THEM6: variants seen among roughly 807,000 people sequenced by gnomAD.
The protein encoded by THEM6 is protein THEM6.
Under a neutral mutation model 13.7 loss-of-function variants are expected in THEM6, and 10 were observed. The observed-to-expected ratio is 0.73, with a 90% CI of 0.45 to 1.24. The LOEUF is 1.24. THEM6 is among the 50% of genes most tolerant of loss of function. THEM6 has a pLI of 0.00. For synonymous variants in THEM6, 161 were observed against 156.0 expected, an observed-to-expected ratio of 1.03 and a Z score of -0.24; for missense variants, 317 against 312.6, an observed-to-expected ratio of 1.01 and a Z score of -0.11.
intron 1 of THEM6, among the ~76,000 whole-genome samples, chr8:142,731,201 A>C (rs1197394106): frequency 6.6e-6 from 1 of 152,220 alleles, no homozygotes; most frequent in Non-Finnish European, 1.5e-5. Flanking sequence ...TCCAGTTCAC[A>C]GAAAAACTGC....
At position 142,727,885 on chromosome 8, in the gene THEM6, G is replaced by T. The variant is rs373201338; in HGVS notation, c.513+26G>T. 9.7e-5 allele frequency: 135 copies of T among 1,386,490 alleles called. No individual in the cohort carries two copies. In the African/African-American group the frequency reaches 1.9e-3, roughly 19 times the overall value. The allele number at this position is 1,386,490 out of a possible 1,614,324, so 85.9% of individuals were successfully genotyped here. On this transcript the variant is annotated intron_variant, in intron 1 of 1. Coordinates refer to ENST00000336138, the MANE Select transcript of THEM6 (RefSeq NM_016647.3). ...GTGAGCGGCCCCCGCCCCTGGCCCC[G>T]GAGCACGGCCTTTGTGGGACCTCCG...
rs1261931485 is a variant in THEM6, at chr8:142,732,187, T to C, written c.514-3139T>C. ...ATATATATATATATATATATATATATATATATATATATATATATATTTTAA... is the reference window on the plus strand; with the variant it reads ...ATATATATATATATATATATATATACATATATATATATATATATATTTTAA... On this transcript the variant is annotated intron_variant, in intron 1 of 1. Transcript: ENST00000336138. 3.0e-5 allele frequency among the ~76,000 whole-genome samples: 3 copies of C among 100,978 alleles called. 1 individual carries two copies. The highest frequency in any genetic ancestry group is 1.2e-4 in the African/African-American group (3 of 25,836). 66.2% of individuals were successfully genotyped at this position (100,978 alleles called of 152,430 possible). A position where few individuals can be genotyped will look rare whatever the true frequency, so the allele number is the denominator to read the frequency against.
intron 1 of THEM6, among the ~76,000 whole-genome samples, chr8:142,732,194 A>ATATATATATATC (rs1815662865): frequency 1.0e-5 from 1 of 95,996 alleles, no homozygotes; most frequent in African/African-American, 4.0e-5. Flanking sequence ...ATATATATAT[A>ATATATATATATC]TATATATATA....
Position 142,735,136 on chromosome 8 carries a change from A to G in THEM6, c.514-190A>G, listed in dbSNP as rs922868226. 1.9e-5 allele frequency: 11 copies of G among 586,552 alleles called. No homozygotes were observed. The African/African-American group carries it at 2.0e-4, about 11-fold the overall frequency. 36.3% of individuals were successfully genotyped at this position (586,552 alleles called of 1,614,324 possible). A position where few individuals can be genotyped will look rare whatever the true frequency, so the allele number is the denominator to read the frequency against. On this transcript the variant is annotated intron_variant, in intron 1 of 1. Transcript: ENST00000336138. ...CCCTAGGGGAGACGGGCCAGGCACA[A>G]GCGGGGCTGTGTCAAGGTGGGTATG...
chr8:142,733,967 T>C (rs587692386), intron 1 of THEM6, among the ~76,000 whole-genome samples: 1 of 152,358 alleles, frequency 6.6e-6, no homozygotes, highest in South Asian at 2.1e-4. Flanking sequence ...TGGGTTAAGA[T>C]ACTGGTTGTG....
chr8:142,734,290 A>C (rs1346173113), intron 1 of THEM6, among the ~76,000 whole-genome samples: 2 of 152,148 alleles, frequency 1.3e-5, no homozygotes, highest in African/African-American at 4.8e-5. Context: ...TATGTCTTTC[A>C]TGCATCTAGA....
Position 142,727,711 on chromosome 8 carries a change from GCCT to G in THEM6, c.366_368del (p.Leu124del). 7.0e-7 allele frequency: 1 copy of G among 1,433,114 alleles called. No individual in the cohort carries two copies. Among genetic ancestry groups the G allele is most frequent in the Admixed American group, 2.9e-5 (1 of 34,116 alleles). The allele number at this position is 1,433,114 out of a possible 1,614,324, so 88.8% of individuals were successfully genotyped here. A position where few individuals can be genotyped will look rare whatever the true frequency, so the allele number is the denominator to read the frequency against. On this transcript the variant is annotated inframe_deletion, in exon 1 of 2. Coordinates refer to ENST00000336138, the MANE Select transcript of THEM6 (RefSeq NM_016647.3). Reference sequence around the variant, plus strand: ...CTGGAGCCCTTCGAGGTGCGCACCCGCCTGCTGGGCTGGGACGACCGCGCGTTC... The same window carrying G: ...CTGGAGCCCTTCGAGGTGCGCACCCGGCTGGGCTGGGACGACCGCGCGTTC...
Position 142,727,868 on chromosome 8 carries a change from C to T in THEM6, c.513+9C>T, listed in dbSNP as rs2572911. Reference sequence around the variant, plus strand: ...ACCTGTGCCAGCGCAGGGTGAGCGGCCCCCGCCCCTGGCCCCGGAGCACGG... The same window carrying T: ...ACCTGTGCCAGCGCAGGGTGAGCGGTCCCCGCCCCTGGCCCCGGAGCACGG... On this transcript the variant is annotated intron_variant, in intron 1 of 1. Coordinates refer to ENST00000336138, the MANE Select transcript of THEM6 (RefSeq NM_016647.3). The T allele has an allele frequency of 5.5e-5, 77 of 1,392,264 alleles. No homozygotes were observed. The African/African-American group carries it at 1.0e-3, about 18-fold the overall frequency. 86.2% of individuals were successfully genotyped at this position (1,392,264 alleles called of 1,614,324 possible). A position where few individuals can be genotyped will look rare whatever the true frequency, so the allele number is the denominator to read the frequency against.
chr8:142,734,259 C>G (rs1193260184), intron 1 of THEM6, among the ~76,000 whole-genome samples: 1 of 129,404 alleles, frequency 7.7e-6, no homozygotes, highest in African/African-American at 3.0e-5. Flanking sequence ...AGATCTCTCT[C>G]TGTCCCCAGG....
intron 1 of THEM6, 60 bp from the exon 2 acceptor site, chr8:142,735,266 A>G: frequency 7.9e-7 from 1 of 1,264,970 alleles, no homozygotes; most frequent in Non-Finnish European, 1.1e-6. Flanking sequence ...CAGTGTGGGC[A>G]GCGGCCCAGA....
rs146074143 is a variant in THEM6, at chr8:142,733,632, T to C, written c.514-1694T>C. On this transcript the variant is annotated intron_variant, in intron 1 of 1. Transcript: ENST00000336138. The stretch of plus-strand genomic sequence containing the variant: ...TGGGGAAACTGAGGCTCAGAGGAGC[T>C]ATGGCACTGCACAAAGCTACACGGC... Among the ~76,000 whole-genome samples, 701 of 152,096 alleles carry C rather than the reference T, an allele frequency of 4.6e-3. 7 individuals carry two copies. The highest frequency in any genetic ancestry group is 0.016 in the African/African-American group (647 of 41,474).
intron 1 of THEM6, among the ~76,000 whole-genome samples, chr8:142,732,378 C>G (rs587728937): frequency 2.0e-3 from 306 of 150,910 alleles, no homozygotes; most frequent in Non-Finnish European, 4.0e-3. Context: ...CTCTGGTCGC[C>G]CCCCCAAGGG....
intron 1 of THEM6, among the ~76,000 whole-genome samples, chr8:142,733,545 C>G (rs111383328): frequency 0.018 from 2,689 of 152,284 alleles, 75 homozygotes; most frequent in African/African-American, 0.062. Flanking sequence ...TTTCCCAGCC[C>G]TCACTCAAAA....
intron 1 of THEM6, among the ~76,000 whole-genome samples, chr8:142,731,767 G>A (rs587646118): frequency 2.3e-4 from 35 of 152,282 alleles, no homozygotes; most frequent in South Asian, 1.0e-3. Context: ...ATGCACTGCC[G>A]TCAGTTTCTC....
In THEM6 at chr8:142,727,819, C is replaced by G; in HGVS notation, c.473C>G (p.Thr158Ser). 1 of 1,462,938 alleles carries G rather than the reference C, an allele frequency of 6.8e-7. No individual in the cohort carries two copies. Among genetic ancestry groups the G allele is most frequent in the African/African-American group, 1.5e-5 (1 of 67,908 alleles). 90.6% of individuals were successfully genotyped at this position (1,462,938 alleles called of 1,614,324 possible). The part of the protein sequence containing the change: ...LLRFRQHLLG[T>S]SPERVVQHLC... ...CGCTTCCGGCAGCACCTGCTGGGCACCTCACCCGAGCGCGTCGTGCAGCAC... is the reference window on the plus strand; with the variant it reads ...CGCTTCCGGCAGCACCTGCTGGGCAGCTCACCCGAGCGCGTCGTGCAGCAC... The change falls in exon 1 of 2, where the codon ACC becomes AGC. Residue 158 changes from threonine (T) to serine (S), a missense_variant. By Grantham distance (58) the Thr-to-Ser change is moderately conservative (BLOSUM62 1). Transcript: ENST00000336138.
rs782575993 is a variant in THEM6 at position 142,728,942 on chromosome 8, T to TC, written c.513+1083_513+1084insC. 6.2e-3 allele frequency among the ~76,000 whole-genome samples: 879 copies of TC among 142,368 alleles called. 6 individuals carry two copies. The highest frequency in any genetic ancestry group is 9.7e-3 in the Non-Finnish European group (642 of 66,126). The allele number at this position is 142,368 out of a possible 152,430, so 93.4% of individuals were successfully genotyped here. A position where few individuals can be genotyped will look rare whatever the true frequency, so the allele number is the denominator to read the frequency against. On this transcript the variant is annotated intron_variant, in intron 1 of 1. Transcript: ENST00000336138. Reference sequence around the variant, plus strand: ...AGAATCAATATTACTATTTTCTTTTTTTTTTTTTTTTTTTTCAGACGGATT... The same window carrying TC: ...AGAATCAATATTACTATTTTCTTTTTCTTTTTTTTTTTTTTTCAGACGGATT...
rs59428096 is a variant in THEM6, at chr8:142,732,161, AATATATATATATATATATATATAT to A, written c.514-3142_514-3119del. Among the ~76,000 whole-genome samples, 93 of 37,252 alleles carry A rather than the reference AATATATATATATATATATATATAT, an allele frequency of 2.5e-3. 4 individuals are homozygous for A. The highest frequency in any genetic ancestry group is 3.1e-3 in the African/African-American group (44 of 14,376). 24.4% of individuals were successfully genotyped at this position (37,252 alleles called of 152,430 possible). A position where few individuals can be genotyped will look rare whatever the true frequency, so the allele number is the denominator to read the frequency against. On this transcript the variant is annotated intron_variant, in intron 1 of 1. Coordinates refer to ENST00000336138, the MANE Select transcript of THEM6 (RefSeq NM_016647.3). ...GTGAAGAGGGGAAAAGGGAGTTTTGAATATATATATATATATATATATATATATATATATATATATATATATTTT... is the reference window on the plus strand; with the variant it reads ...GTGAAGAGGGGAAAAGGGAGTTTTGAATATATATATATATATATATATTTT...
chr8:142,735,346 C>T lies in THEM6; in HGVS notation c.534C>T (p.Pro178=), dbSNP rs141164034. 296 of 1,564,400 alleles carry T rather than the reference C, an allele frequency of 1.9e-4. 1 individual carries two copies. The highest frequency in any genetic ancestry group is 9.1e-4 in the South Asian group (77 of 84,968). ...TGCAGGTGGAGCCCCCTGAGCTGCC[C>T]GCTGATCTGCAGCACTGGATCTCCT... ...CQRRVEPPEL[P]ADLQHWISYN... is the part of the protein sequence containing the mutation. The change falls in exon 2 of 2, where the codon CCC becomes CCT. Residue 178 remains proline, a synonymous_variant. Coordinates refer to ENST00000336138, the MANE Select transcript of THEM6 (RefSeq NM_016647.3).
In THEM6 at chr8:142,735,315, G is replaced by C. The variant is rs1228063470; in HGVS notation, c.514-11G>C. ...TAGCTTAGCTGGGTGTCCCCTTTCT[G>C]TCCTCTGCAGGTGGAGCCCCCTGAG... On this transcript the variant is annotated splice_polypyrimidine_tract_variant and intron_variant, in intron 1 of 1. Transcript: ENST00000336138. 2.1e-5 allele frequency: 32 copies of C among 1,548,630 alleles called. No individual in the cohort carries two copies. The highest frequency in any genetic ancestry group is 2.6e-5 in the Non-Finnish European group (30 of 1,144,800).
Sources: allele counts gnomAD v4.1 joint callset (sites outside exome capture counted in the v4.1 genomes callset), GRCh38; gene constraint gnomAD v4.1.1; transcripts MANE v1.5; gene names NCBI Gene and HGNC (gene_info 2026-07-23, HGNC 2026-07-21).